ATP8B4: variants seen among roughly 807,000 people sequenced by gnomAD.
ATP8B4 encodes ATPase phospholipid transporting 8B4 (putative), also known as probable phospholipid-transporting ATPase IM.
Under a neutral mutation model 145.6 loss-of-function variants are expected in ATP8B4, and 133 were observed. The ratio of observed to expected loss-of-function variants is 0.91; its 90% CI spans 0.79 to 1.05. ATP8B4 has a LOEUF of 1.05. Among genes scored for constraint, ATP8B4 ranks in the 50% least tolerant of loss-of-function variants. ATP8B4 has a pLI of 0.00. For synonymous variants in ATP8B4, 507 were observed against 492.9 expected (o/e 1.03, Z -0.38); for missense variants, 1,458 against 1,425.2 (o/e 1.02, Z -0.37).
intron 14 of ATP8B4, among the ~76,000 whole-genome samples, chr15:49,936,047 GCCAAACTTAAATA>G: frequency 6.6e-6 from 1 of 151,834 alleles, no homozygotes; most frequent in East Asian, 1.9e-4. Context: ...CTTTCCTGTA[GCCAAACTTAAATA>G]CTTTTTATTG....
chr15:50,059,539 CAAAT>C (rs2052853091), intron 3 of ATP8B4, among the ~76,000 whole-genome samples: 1 of 152,116 alleles, frequency 6.6e-6, no homozygotes, highest in Non-Finnish European at 1.5e-5. Flanking sequence ...AATGAATGAA[CAAAT>C]GAATGAATGA....
chr15:50,085,958 T>TATATTTATGATATATATC, intron 2 of ATP8B4, among the ~76,000 whole-genome samples: 1 of 29,238 alleles, frequency 3.4e-5, no homozygotes. Flanking sequence ...ATATATCATA[T>TATATTTATGATATATATC]ATATTTATAT....
At position 49,901,243 on chromosome 15, in the gene ATP8B4, A is replaced by T; in HGVS notation, c.2142-4T>A. On this transcript the variant is annotated splice_polypyrimidine_tract_variant and splice_region_variant and intron_variant, in intron 20 of 27. Transcript: ENST00000284509. Reference sequence around the variant, plus strand: ...AAACAAATTTTGTTTTGCTTTCCTTAAAGGAGAGGGTGAAAAGTGAAACAT... The same window carrying T: ...AAACAAATTTTGTTTTGCTTTCCTTTAAGGAGAGGGTGAAAAGTGAAACAT... 4.3e-6 allele frequency: 7 copies of T among 1,612,544 alleles called. No homozygotes were observed. The highest frequency in any genetic ancestry group is 5.9e-6 in the Non-Finnish European group (7 of 1,179,052).
In ATP8B4 at chr15:49,872,790, ATTGGATCCTGG is replaced by A. The variant is rs2153388250; in HGVS notation, c.3027+3477_3027+3487del. ...CACTAAATTCAATGTGGGATCCTGG[ATTGGATCCTGG>A]ATTGGATCCTAGAAGAGAAAAGGGT... On this transcript the variant is annotated intron_variant, in intron 25 of 27. Transcript: ENST00000284509. 5.9e-5 allele frequency among the ~76,000 whole-genome samples: 5 copies of A among 85,152 alleles called. 1 individual carries two copies. In the South Asian group the frequency reaches 1.5e-3, roughly 26 times the overall value. The allele number at this position is 85,152 out of a possible 152,430, so 55.9% of individuals were successfully genotyped here. A position where few individuals can be genotyped will look rare whatever the true frequency, so the allele number is the denominator to read the frequency against.
chr15:50,009,729 A>G (rs2153569706), intron 7 of ATP8B4: 1 of 453,490 alleles, frequency 2.2e-6, no homozygotes, highest in Non-Finnish European at 4.4e-6. Flanking sequence ...ATAAAAGTAA[A>G]TAGATTGCGA....
At chr15:49,948,619 C>T (rs921631588) in intron 14 of ATP8B4, among the ~76,000 whole-genome samples, 6 of 152,174 alleles carry the variant, frequency 3.9e-5, no homozygotes, top group Non-Finnish European at 8.8e-5. Context: ...AGTGTCTGTT[C>T]ATATACTTTG....
chr15:49,937,231 T>C (rs1289714116), intron 14 of ATP8B4, among the ~76,000 whole-genome samples: 1 of 152,178 alleles, frequency 6.6e-6, no homozygotes, highest in Non-Finnish European at 1.5e-5. Flanking sequence ...GCAGGACTTA[T>C]TGGCTATCAC....
Position 49,930,990 on chromosome 15 carries a change from A to C in ATP8B4, c.1642+129T>G, listed in dbSNP as rs181371276. On this transcript the variant is annotated intron_variant, in intron 16 of 27. Coordinates refer to ENST00000284509, the MANE Select transcript of ATP8B4 (RefSeq NM_024837.4). ...GTATTGAGGCTAGGTTGAGCAACAC[A>C]AGAGTTTATACATAAAGTTTCAAAA... 6 of 1,002,196 alleles carry C rather than the reference A, an allele frequency of 6.0e-6. No individual in the cohort carries two copies. The East Asian group carries it at 1.5e-4, about 25-fold the overall frequency. 62.1% of individuals were successfully genotyped at this position (1,002,196 alleles called of 1,614,324 possible). A position where few individuals can be genotyped will look rare whatever the true frequency, so the allele number is the denominator to read the frequency against.
rs139216682 is a variant in ATP8B4 at position 50,032,374 on chromosome 15, T to C, written c.362+6394A>G. Reference sequence around the variant, plus strand: ...GCAAAGGATATGAACTCATTCTTTTTTATGGCTGCATAGTATTCCATGGTG... The same window carrying C: ...GCAAAGGATATGAACTCATTCTTTTCTATGGCTGCATAGTATTCCATGGTG... On this transcript the variant is annotated intron_variant, in intron 6 of 27. Coordinates refer to ENST00000284509, the MANE Select transcript of ATP8B4 (RefSeq NM_024837.4). 3.9e-5 allele frequency among the ~76,000 whole-genome samples: 6 copies of C among 152,372 alleles called. No individual in the cohort carries two copies. The South Asian group carries it at 1.2e-3, about 32-fold the overall frequency.
At chr15:50,085,477 T>C (rs927504286) in intron 2 of ATP8B4, among the ~76,000 whole-genome samples, 5 of 152,066 alleles carry the variant, frequency 3.3e-5, no homozygotes, top group African/African-American at 4.8e-5. Context: ...AGTTCAGTTA[T>C]TGGTGGTCAG....
chr15:50,140,472 T>A (rs922960642), intron 1 of ATP8B4, among the ~76,000 whole-genome samples: 1 of 152,384 alleles, frequency 6.6e-6, no homozygotes, highest in South Asian at 2.1e-4. Context: ...ATTCATTAAA[T>A]ATTTTTTGAT....
chr15:49,925,921 A>T (rs2040675119), intron 16 of ATP8B4, among the ~76,000 whole-genome samples: 1 of 152,200 alleles, frequency 6.6e-6, no homozygotes, highest in Non-Finnish European at 1.5e-5. Flanking sequence ...ACATAGTTTT[A>T]AATGGTCACG....
At chr15:50,130,684 G>A (rs371473398) in intron 1 of ATP8B4, among the ~76,000 whole-genome samples, 43 of 152,194 alleles carry the variant, frequency 2.8e-4, no homozygotes, top group African/African-American at 1.0e-3. Flanking sequence ...GCTGAGGCAG[G>A]AGAATTGCTT....
intron 1 of ATP8B4, among the ~76,000 whole-genome samples, chr15:50,155,263 CACAA>C (rs994071037): frequency 8.2e-4 from 125 of 152,106 alleles, no homozygotes; most frequent in African/African-American, 2.8e-3. Context: ...CAAAGAATTG[CACAA>C]ACAAAGATCA....
At chr15:49,872,537 G>A (rs1293825830) in intron 25 of ATP8B4, among the ~76,000 whole-genome samples, 2 of 152,118 alleles carry the variant, frequency 1.3e-5, no homozygotes, top group Admixed American at 6.5e-5. Context: ...TATAAATCAT[G>A]TTGCTATCAT....
chr15:50,101,411 A>C (rs994933817), intron 2 of ATP8B4, among the ~76,000 whole-genome samples: 4 of 152,114 alleles, frequency 2.6e-5, no homozygotes, highest in Non-Finnish European at 5.9e-5. Flanking sequence ...TTCTATGCAC[A>C]TGGACAACAA....
intron 12 of ATP8B4, among the ~76,000 whole-genome samples, chr15:49,974,812 G>T (rs2045528142): frequency 6.6e-6 from 1 of 152,114 alleles, no homozygotes; most frequent in Admixed American, 6.6e-5. Flanking sequence ...ATCACCATTT[G>T]TTGAACAATC....
At chr15:50,083,776 A>G (rs1158651179) in intron 2 of ATP8B4, among the ~76,000 whole-genome samples, 1 of 152,198 alleles carries the variant, frequency 6.6e-6, no homozygotes, top group Admixed American at 6.5e-5. Flanking sequence ...CCATATGGCA[A>G]TTAATTTACT....
At chr15:49,934,394 G>A (rs1032079485) in intron 14 of ATP8B4, among the ~76,000 whole-genome samples, 1 of 151,966 alleles carries the variant, frequency 6.6e-6, no homozygotes, top group African/African-American at 2.4e-5. Context: ...AAAAGTATAT[G>A]GGAAAGAAAA....
Sources: allele counts gnomAD v4.1 joint callset (sites outside exome capture counted in the v4.1 genomes callset), GRCh38; gene constraint gnomAD v4.1.1; transcripts MANE v1.5; gene names NCBI Gene and HGNC (gene_info 2026-07-23, HGNC 2026-07-21).